GFOD2: variants seen among roughly 807,000 people sequenced by gnomAD.
GFOD2 encodes the protein Gfo/Idh/MocA-like oxidoreductase domain containing 2, also known as glucose-fructose oxidoreductase domain-containing protein 2.
Under a neutral mutation model 24.6 loss-of-function variants are expected in GFOD2, and 9 were observed. That is an observed-to-expected ratio of 0.37 (90% CI 0.22 to 0.64). The LOEUF is 0.64. Among genes scored for constraint, GFOD2 ranks in the 30% least tolerant of loss-of-function variants. The probability of loss-of-function intolerance (pLI) is 0.65; values close to 1 mark genes in which losing one functional copy is unlikely to be tolerated. For missense variants in GFOD2, 476 were observed against 532.5 expected, an observed-to-expected ratio of 0.89 and a Z score of 1.04; for synonymous variants, 211 against 224.8, an observed-to-expected ratio of 0.94 and a Z score of 0.55.
intron 2 of GFOD2, chr16:67,677,608 G>A (rs758747397): frequency 6.6e-6 from 1 of 152,344 alleles, no homozygotes; most frequent in Non-Finnish European, 1.5e-5. Context: ...CTGTGCAGAA[G>A]GACTTGGGGA....
In GFOD2 at chr16:67,685,483, G is replaced by A; in HGVS notation, c.233C>T (p.Thr78Ile). ...LVCISIPPPL[T>I]RQISVKALGI... ...TAGAGCCTTCACGGATATCTGCCGG[G>A]TGAGTGGAGGGGGGATGCTGATGCA... Residue 78 changes from threonine to isoleucine, a missense_variant, in exon 2 of 3, where the codon ACC becomes ATC. By Grantham distance (89) the Thr-to-Ile change is moderately conservative. Coordinates refer to ENST00000268797, the MANE Select transcript of GFOD2 (RefSeq NM_030819.4). The A allele has an allele frequency of 6.2e-7, 1 of 1,614,202 alleles. No homozygotes were observed. The highest frequency in any genetic ancestry group is 8.5e-7 in the Non-Finnish European group (1 of 1,180,038).
chr16:67,687,306 C>A (rs2053274451), intron 1 of GFOD2, among the ~76,000 whole-genome samples: 1 of 151,586 alleles, frequency 6.6e-6, no homozygotes, highest in African/African-American at 2.4e-5. Flanking sequence ...TACCAAAAAA[C>A]TTTTTTCATC....
chr16:67,700,899 T>G (rs2053398167), intron 1 of GFOD2, among the ~76,000 whole-genome samples: 4 of 147,440 alleles, frequency 2.7e-5, no homozygotes, highest in African/African-American at 1.0e-4. Context: ...TAGCCAGGCA[T>G]GGTGGTGCAC....
chr16:67,706,729 T>C (rs2053441616), intron 1 of GFOD2, among the ~76,000 whole-genome samples: 1 of 152,020 alleles, frequency 6.6e-6, no homozygotes, highest in Admixed American at 6.6e-5. Flanking sequence ...CTCATTAAAA[T>C]ACATCATTAA....
At chr16:67,685,350 T>G in intron 2 of GFOD2, 107 bp downstream of exon 2, 3 of 1,544,172 alleles carry the variant, frequency 1.9e-6, no homozygotes, top group Non-Finnish European at 2.6e-6. Context: ...TTCTCCTCCC[T>G]GCAGATGCGA....
chr16:67,678,900 G>C (rs1394688908), intron 2 of GFOD2, among the ~76,000 whole-genome samples: 1 of 152,190 alleles, frequency 6.6e-6, no homozygotes, highest in Non-Finnish European at 1.5e-5. Context: ...GGGCGTGGTG[G>C]CTCACGCTTA....
intron 1 of GFOD2, among the ~76,000 whole-genome samples, chr16:67,693,991 AC>A (rs981265941): frequency 5.9e-5 from 9 of 151,324 alleles, no homozygotes; most frequent in Non-Finnish European, 1.0e-4. Flanking sequence ...TTTAGGACAT[AC>A]TTTTTTTTTT....
chr16:67,717,506 G>A (rs1023019901), intron 1 of GFOD2, among the ~76,000 whole-genome samples: 9 of 152,124 alleles, frequency 5.9e-5, no homozygotes, highest in Non-Finnish European at 1.0e-4. Context: ...AAATAATAAT[G>A]AGGGCTGGGT....
At chr16:67,709,769 C>G (rs948787362) in intron 1 of GFOD2, among the ~76,000 whole-genome samples, 27 of 152,104 alleles carry the variant, frequency 1.8e-4, no homozygotes, top group African/African-American at 6.5e-4. Flanking sequence ...CACATGCCAC[C>G]ACACCCAGCT....
Position 67,692,415 on chromosome 16 carries a change from C to A in GFOD2, c.-87-6613G>T, listed in dbSNP as rs537257060. On this transcript the variant is annotated intron_variant, in intron 1 of 2. Coordinates refer to ENST00000268797, the MANE Select transcript of GFOD2 (RefSeq NM_030819.4). Reference sequence around the variant, plus strand: ...TCAACATGGCAAAACCCCATCTATACTAAAAAATAAAAAAATTAGCTGGAT... The same window carrying A: ...TCAACATGGCAAAACCCCATCTATAATAAAAAATAAAAAAATTAGCTGGAT... Among the ~76,000 whole-genome samples the A allele has an allele frequency of 9.9e-5, 15 of 151,854 alleles. No individual in the cohort carries two copies. The South Asian group carries it at 2.9e-3, about 30-fold the overall frequency.
intron 1 of GFOD2, among the ~76,000 whole-genome samples, chr16:67,695,692 T>A (rs770428420): frequency 1.3e-5 from 2 of 151,726 alleles, no homozygotes; most frequent in Admixed American, 6.6e-5. Flanking sequence ...TGCGCCACCA[T>A]ACCTGGCTAA....
intron 1 of GFOD2, among the ~76,000 whole-genome samples, chr16:67,705,207 G>GT (rs1438714345): frequency 6.6e-6 from 1 of 152,072 alleles, no homozygotes; most frequent in Non-Finnish European, 1.5e-5. Flanking sequence ...TCACCTGCCA[G>GT]TTTTTTCTTT....
chr16:67,702,592 A>ATTTTTTT (rs561204882), intron 1 of GFOD2, among the ~76,000 whole-genome samples: 9 of 104,712 alleles, frequency 8.6e-5, no homozygotes, highest in Admixed American at 1.2e-4. Context: ...GGTAGCCAGG[A>ATTTTTTT]TTTTTTTTTT....
Position 67,674,952 on chromosome 16 carries a change from T to C in GFOD2, c.*203A>G, listed in dbSNP as rs1330864796. On this transcript the variant is annotated 3_prime_UTR_variant, in exon 3 of 3. Coordinates refer to ENST00000268797, the MANE Select transcript of GFOD2 (RefSeq NM_030819.4). Reference sequence around the variant, plus strand: ...CTGCCCTGTGCACACCGTGGTAACCTGGCAACAGGAACATTTGCCACCCTG... The same window carrying C: ...CTGCCCTGTGCACACCGTGGTAACCCGGCAACAGGAACATTTGCCACCCTG... The C allele has an allele frequency of 4.9e-6, 3 of 615,376 alleles. No individual in the cohort carries two copies. The East Asian group carries it at 8.4e-5, about 17-fold the overall frequency. The allele number at this position is 615,376 out of a possible 1,614,324, so 38.1% of individuals were successfully genotyped here.
rs2053337682 is a variant in GFOD2, at chr16:67,694,031, G to C, written c.-87-8229C>G. Among the ~76,000 whole-genome samples, 3 of 151,732 alleles carry C rather than the reference G, an allele frequency of 2.0e-5. No individual in the cohort carries two copies. In the South Asian group the frequency reaches 6.2e-4, roughly 31 times the overall value. Reference sequence around the variant, plus strand: ...AGACAGAGTCTTGCTCTATCACCCAGGCTGGAATGCAGTGGTGCAATCTTG... The same window carrying C: ...AGACAGAGTCTTGCTCTATCACCCACGCTGGAATGCAGTGGTGCAATCTTG... On this transcript the variant is annotated intron_variant, in intron 1 of 2. Transcript: ENST00000268797.
chr16:67,691,026 C>G (rs899996003), intron 1 of GFOD2, among the ~76,000 whole-genome samples: 2 of 152,102 alleles, frequency 1.3e-5, no homozygotes, highest in African/African-American at 4.8e-5. Flanking sequence ...TCATGCCCAG[C>G]TAATTTTTAT....
chr16:67,686,982 A>G lies in GFOD2; in HGVS notation c.-87-1180T>C, dbSNP rs139983914. ...GCCAACGTGGTGAAACCCCGTCTCT[A>G]CCAAAAATATAAAAAGTTAGCCAGG... is the stretch of plus-strand genomic sequence containing the variant. On this transcript the variant is annotated intron_variant, in intron 1 of 2. Coordinates refer to ENST00000268797, the MANE Select transcript of GFOD2 (RefSeq NM_030819.4). 5.5e-3 allele frequency among the ~76,000 whole-genome samples: 840 copies of G among 151,888 alleles called. 7 individuals carry two copies. Among genetic ancestry groups the G allele is most frequent in the African/African-American group, 0.019 (784 of 41,400 alleles).
At chr16:67,691,161 G>C (rs2142994888) in intron 1 of GFOD2, among the ~76,000 whole-genome samples, 1 of 152,066 alleles carries the variant, frequency 6.6e-6, no homozygotes, top group East Asian at 1.9e-4. Context: ...ACTGTGCCTG[G>C]CCTACCAATT....
chr16:67,697,413 G>A (rs749293715), intron 1 of GFOD2, among the ~76,000 whole-genome samples: 2 of 152,186 alleles, frequency 1.3e-5, no homozygotes, highest in Non-Finnish European at 2.9e-5. Context: ...CAAAAGTTGA[G>A]TAGAAATATG....
Sources: allele counts gnomAD v4.1 joint callset (sites outside exome capture counted in the v4.1 genomes callset), GRCh38; gene constraint gnomAD v4.1.1; transcripts MANE v1.5; gene names NCBI Gene and HGNC (gene_info 2026-07-23, HGNC 2026-07-21).